PBX3: variants seen among roughly 807,000 people sequenced by gnomAD.
PBX3 encodes the protein pre-B-cell leukemia transcription factor 3.
A neutral mutation model predicts 48.5 loss-of-function variants in PBX3; 14 were observed. The observed-to-expected ratio is 0.29, with a 90% confidence interval of 0.19 to 0.45. PBX3 has a LOEUF of 0.45. PBX3 is among the 20% of genes least tolerant of loss of function. The probability of loss-of-function intolerance (pLI) is 1.00; values close to 1 mark genes in which losing one functional copy is unlikely to be tolerated. For missense variants in PBX3, 386 were observed against 546.7 expected, an observed-to-expected ratio of 0.71 and a Z score of 2.93; for synonymous variants, 210 against 200.3, an observed-to-expected ratio of 1.05 and a Z score of -0.41.
chr9:125,801,790 T>TACACACAC (rs367989628), intron 2 of PBX3, among the ~76,000 whole-genome samples: 38,357 of 146,102 alleles, frequency 0.26, 5,085 homozygotes, highest in South Asian at 0.3. Context: ...TGTATACACA[T>TACACACAC]ACACACACAC....
rs571354755 is a variant in PBX3 at position 125,748,598 on chromosome 9, C to T, written c.249C>T (p.Val83=). 24 of 1,613,656 alleles carry T rather than the reference C, an allele frequency of 1.5e-5. No individual in the cohort carries two copies. The highest frequency in any genetic ancestry group is 1.9e-5 in the Non-Finnish European group (22 of 1,179,940). The change falls in exon 2 of 9, where the codon GTC becomes GTT. Residue 83 remains valine, a synonymous_variant. Coordinates refer to ENST00000373489, the MANE Select transcript of PBX3 (RefSeq NM_006195.6). ...GAATGAAACCAGCGCTCTTCAGCGT[C>T]CTGTGTGAGATCAAAGAGAAAACAG... The part of the protein sequence containing the change: ...CHRMKPALFS[V]LCEIKEKTGL...
chr9:125,918,008 C>T (rs1171139260), intron 3 of PBX3, among the ~76,000 whole-genome samples: 2 of 152,132 alleles, frequency 1.3e-5, no homozygotes, highest in Non-Finnish European at 2.9e-5. Context: ...TGAGCATAAA[C>T]AGTAGAAAAT....
chr9:125,748,866 G>C, intron 2 of PBX3: 1 of 340,930 alleles, frequency 2.9e-6, no homozygotes, highest in Non-Finnish European at 5.4e-6. Flanking sequence ...CTCGGCGGCC[G>C]CCCCTGGCTG....
At chr9:125,788,944 C>G (rs10986914) in intron 2 of PBX3, among the ~76,000 whole-genome samples, 3,029 of 150,882 alleles carry the variant, frequency 0.02, 170 homozygotes, top group East Asian at 0.17. Flanking sequence ...TCTCTTTCCT[C>G]CCCACACTGA....
chr9:125,816,189 G>A (rs1838457107), intron 2 of PBX3, among the ~76,000 whole-genome samples: 1 of 152,068 alleles, frequency 6.6e-6, no homozygotes, highest in African/African-American at 2.4e-5. Flanking sequence ...GTAGAGACTG[G>A]GTTTTGCCAT....
intron 2 of PBX3, among the ~76,000 whole-genome samples, chr9:125,749,819 C>T (rs1043011795): frequency 5.3e-5 from 8 of 152,084 alleles, no homozygotes; most frequent in Non-Finnish European, 8.8e-5. Flanking sequence ...TAAAAGTAAT[C>T]AAGAAAAGAT....
intron 2 of PBX3, among the ~76,000 whole-genome samples, chr9:125,839,405 G>A (rs55734719): frequency 0.046 from 7,017 of 152,270 alleles, 241 homozygotes; most frequent in Non-Finnish European, 0.074. Flanking sequence ...TATAGATTGA[G>A]TAAATGAATG....
intron 2 of PBX3, among the ~76,000 whole-genome samples, chr9:125,767,030 A>G (rs1360492591): frequency 1.3e-5 from 2 of 152,152 alleles, no homozygotes; most frequent in Non-Finnish European, 2.9e-5. Context: ...TTTACTTCCT[A>G]TTTTGAATCA....
intron 2 of PBX3, among the ~76,000 whole-genome samples, chr9:125,878,675 C>T (rs2132343227): frequency 6.6e-6 from 1 of 152,320 alleles, no homozygotes; most frequent in East Asian, 1.9e-4. Flanking sequence ...CTACAATAAA[C>T]TCATTTGGAT....
rs189475623 is a variant in PBX3, at chr9:125,860,071, C to T, written c.275-55615C>T. On this transcript the variant is annotated intron_variant, in intron 2 of 8. Coordinates refer to ENST00000373489, the MANE Select transcript of PBX3 (RefSeq NM_006195.6). ...ACAAACAACCTCCAAATCTTTATGG[C>T]ATTAAAACAGCAGTTTATTTCTCAT... 2.2e-3 allele frequency among the ~76,000 whole-genome samples: 328 copies of T among 152,322 alleles called. 2 individuals are homozygous for T. Among genetic ancestry groups the T allele is most frequent in the African/African-American group, 7.5e-3 (311 of 41,568 alleles).
chr9:125,880,625 AACTG>A (rs1051883679), intron 2 of PBX3, among the ~76,000 whole-genome samples: 89 of 152,340 alleles, frequency 5.8e-4, no homozygotes, highest in African/African-American at 2.1e-3. Context: ...TTTCAGTCTT[AACTG>A]ACATTAAAGA....
intron 2 of PBX3, among the ~76,000 whole-genome samples, chr9:125,780,229 C>T (rs529177028): frequency 6.1e-5 from 8 of 131,362 alleles, no homozygotes; most frequent in South Asian, 4.9e-4. Context: ...GTCGGCTGGC[C>T]GGGCGGGGGG....
At chr9:125,807,498 G>A (rs10986936) in intron 2 of PBX3, among the ~76,000 whole-genome samples, 77,762 of 151,948 alleles carry the variant, frequency 0.51, 21,644 homozygotes, top group South Asian at 0.63. Flanking sequence ...AATTCAGATT[G>A]TGATTTGATT....
chr9:125,755,569 G>T (rs1010480001), intron 2 of PBX3, among the ~76,000 whole-genome samples: 7 of 151,534 alleles, frequency 4.6e-5, no homozygotes, highest in African/African-American at 1.5e-4. Flanking sequence ...AATTCACTTT[G>T]ATATGCTAAT....
chr9:125,821,977 A>T (rs929693086), intron 2 of PBX3, among the ~76,000 whole-genome samples: 1 of 152,002 alleles, frequency 6.6e-6, no homozygotes, highest in African/African-American at 2.4e-5. Context: ...GCTGTGGTGT[A>T]ATATATTTTA....
intron 2 of PBX3, among the ~76,000 whole-genome samples, chr9:125,886,771 A>G (rs949258749): frequency 6.6e-6 from 1 of 151,266 alleles, no homozygotes; most frequent in Non-Finnish European, 1.5e-5. Context: ...TAGATCAAGT[A>G]TTGAGATAGT....
At chr9:125,762,261 T>C (rs1194097122) in intron 2 of PBX3, among the ~76,000 whole-genome samples, 1 of 152,140 alleles carries the variant, frequency 6.6e-6, no homozygotes, top group Non-Finnish European at 1.5e-5. Context: ...TAGAGTGCTG[T>C]AAGGCCTTTA....
chr9:125,862,786 T>C (rs1431395376), intron 2 of PBX3, among the ~76,000 whole-genome samples: 1 of 152,234 alleles, frequency 6.6e-6, no homozygotes, highest in Non-Finnish European at 1.5e-5. Context: ...TCTGAGTCAA[T>C]AAATGTTTCA....
intron 1 of PBX3, among the ~76,000 whole-genome samples, chr9:125,747,912 C>T (rs1425281292): frequency 1.3e-5 from 2 of 151,840 alleles, no homozygotes; most frequent in African/African-American, 4.8e-5. Flanking sequence ...CCCCGTCCTG[C>T]CCCTCGCAGC....
Sources: gnomAD v4.1 joint callset for allele counts (sites outside exome capture counted in the v4.1 genomes callset) on GRCh38, gnomAD v4.1.1 for gene constraint, MANE v1.5 for transcripts, NCBI Gene and HGNC (gene_info 2026-07-23, HGNC 2026-07-21) for gene names.